The following TYR variants were observed in gnomAD, a reference collection of about 807,000 sequenced individuals.
TYR encodes the protein LB24-AB.
Under a neutral mutation model 51.5 loss-of-function variants are expected in TYR, and 58 were observed. The observed-to-expected ratio is 1.13, with a 90% CI of 0.91 to 1.40. TYR has a LOEUF of 1.40. Among genes scored for constraint, TYR ranks in the 40% most tolerant of loss-of-function variants. The pLI is 0.00. For synonymous variants in TYR, 263 were observed against 235.2 expected, an observed-to-expected ratio of 1.12 and a Z score of -1.08; for missense variants, 732 against 647.4, an observed-to-expected ratio of 1.13 and a Z score of -1.42.
At chr11:89,232,628 G>A (rs1358820254) in intron 3 of TYR, among the ~76,000 whole-genome samples, 1 of 140,992 alleles carries the variant, frequency 7.1e-6, no homozygotes, top group Non-Finnish European at 1.5e-5. Context: ...TCGATGATGG[G>A]TTCAATCATA....
chr11:89,251,570 A>G (rs1387173512), intron 3 of TYR, among the ~76,000 whole-genome samples: 2 of 151,926 alleles, frequency 1.3e-5, no homozygotes, highest in Non-Finnish European at 2.9e-5. Context: ...AGGAAATGGC[A>G]GCTGAAAGTT....
At chr11:89,225,049 C>A (rs186840703) in intron 2 of TYR, among the ~76,000 whole-genome samples, 18 of 151,666 alleles carry the variant, frequency 1.2e-4, no homozygotes, top group Non-Finnish European at 2.2e-4. Context: ...GGGAACAAAG[C>A]TTCTTGGCAG....
intron 2 of TYR, among the ~76,000 whole-genome samples, chr11:89,197,593 A>C (rs539099693): frequency 4.4e-4 from 67 of 152,274 alleles, no homozygotes; most frequent in African/African-American, 1.5e-3. Context: ...ACTTCAAAAG[A>C]TATGATGTTA....
chr11:89,218,356 T>G (rs898736564), intron 2 of TYR, among the ~76,000 whole-genome samples: 2 of 152,188 alleles, frequency 1.3e-5, no homozygotes, highest in Non-Finnish European at 2.9e-5. Flanking sequence ...AATGACATAT[T>G]CTGCCCTCTT....
chr11:89,178,613 A>C lies in TYR; in HGVS notation c.660A>C (p.Gln220His), dbSNP rs1943260369. The C allele has an allele frequency of 6.2e-7, 1 of 1,612,552 alleles. No individual in the cohort carries two copies. Among genetic ancestry groups the C allele is most frequent in the Admixed American group, 1.7e-5 (1 of 59,776 alleles). The change falls in exon 1 of 5, where the codon CAA (glutamine) becomes CAC (histidine). Residue 220 changes from glutamine to histidine, a missense_variant. By Grantham distance (24) the Gln-to-His change is conservative. Coordinates refer to ENST00000263321, the MANE Select transcript of TYR (RefSeq NM_000372.5). ...WHRLFLLRWE[Q>H]EIQKLTGDEN... ...GACTCTTCTTGTTGCGGTGGGAACAAGAAATCCAGAAGCTGACAGGAGATG... is the reference window on the plus strand; with the variant it reads ...GACTCTTCTTGTTGCGGTGGGAACACGAAATCCAGAAGCTGACAGGAGATG...
chr11:89,272,938 G>A (rs1944606924), intron 3 of TYR, among the ~76,000 whole-genome samples: 1 of 151,822 alleles, frequency 6.6e-6, no homozygotes, highest in African/African-American at 2.4e-5. Context: ...AGAGAGCTGG[G>A]GCCTTGCTCT....
At chr11:89,202,620 A>AACACACACACACACACACACAC in intron 2 of TYR, among the ~76,000 whole-genome samples, 1 of 8,776 alleles carries the variant, frequency 1.1e-4, no homozygotes, top group African/African-American at 7.5e-4. Flanking sequence ...ATATTTTCAT[A>AACACACACACACACACACACAC]ATACACACAC....
chr11:89,271,517 A>T (rs1253555592), intron 3 of TYR, among the ~76,000 whole-genome samples: 3 of 151,926 alleles, frequency 2.0e-5, no homozygotes, highest in Non-Finnish European at 4.4e-5. Context: ...ACCTTCAGCA[A>T]GTTGTGATCT....
At position 89,295,223 on chromosome 11, in the gene TYR, A is replaced by G; in HGVS notation, c.1447A>G (p.Met483Val). The change falls in exon 5 of 5, where the codon ATG becomes GTG. Residue 483 changes from methionine to valine, a missense_variant. Transcript: ENST00000263321. Reference protein sequence around the residue: ...RIWSWLLGAAMVGAVLTALLA... With the variant: ...RIWSWLLGAAVVGAVLTALLA... ...CTGGTCATGGCTCCTTGGGGCGGCG[A>G]TGGTAGGGGCCGTCCTCACTGCCCT... The G allele has an allele frequency of 6.2e-7, 1 of 1,613,894 alleles. No homozygotes were observed. Among genetic ancestry groups the G allele is most frequent in the Non-Finnish European group, 8.5e-7 (1 of 1,179,852 alleles).
intron 3 of TYR, among the ~76,000 whole-genome samples, chr11:89,262,313 C>T (rs541192256): frequency 6.6e-6 from 1 of 152,164 alleles, no homozygotes; most frequent in East Asian, 1.9e-4. Context: ...CCAGCCTTGG[C>T]CTCCCAAAGT....
intron 4 of TYR, among the ~76,000 whole-genome samples, chr11:89,287,313 A>G (rs1157826654): frequency 1.3e-5 from 2 of 151,860 alleles, no homozygotes; most frequent in East Asian, 3.9e-4. Context: ...AAAATGCCAC[A>G]CCTCTTAATA....
rs780778251 is a variant in TYR at position 89,177,943 on chromosome 11, C to T, written c.-11C>T. The stretch of plus-strand genomic sequence containing the variant: ...CCAGTTCCTGCAGACCTTGTGAGGA[C>T]TAGAGGAAGAATGCTCCTGGCTGTT... On this transcript the variant is annotated 5_prime_UTR_variant, in exon 1 of 5. Coordinates refer to ENST00000263321, the MANE Select transcript of TYR (RefSeq NM_000372.5). The T allele has an allele frequency of 6.2e-7, 1 of 1,613,646 alleles. No homozygotes were observed. The highest frequency in any genetic ancestry group is 8.5e-7 in the Non-Finnish European group (1 of 1,179,860).
chr11:89,251,407 G>A (rs1014906208), intron 3 of TYR, among the ~76,000 whole-genome samples: 2 of 151,680 alleles, frequency 1.3e-5, no homozygotes, highest in African/African-American at 4.8e-5. Flanking sequence ...TAACATGCAT[G>A]GACAATACAA....
chr11:89,242,303 G>T (rs1269598610), intron 3 of TYR, among the ~76,000 whole-genome samples: 2 of 152,104 alleles, frequency 1.3e-5, no homozygotes, highest in African/African-American at 2.4e-5. Flanking sequence ...CACCTCCCGG[G>T]TTCAAGTGAT....
intron 3 of TYR, among the ~76,000 whole-genome samples, chr11:89,276,279 A>G (rs1944653456): frequency 6.6e-6 from 1 of 151,834 alleles, no homozygotes; most frequent in African/African-American, 2.4e-5. Context: ...ACAATCTAGC[A>G]TCTGTTTTCT....
intron 2 of TYR, among the ~76,000 whole-genome samples, chr11:89,205,955 C>T (rs2135265017): frequency 6.6e-6 from 1 of 151,914 alleles, no homozygotes; most frequent in East Asian, 1.9e-4. Context: ...AGGATGATGC[C>T]AGCAGAGATA....
chr11:89,279,594 C>T (rs2135320535), intron 3 of TYR, among the ~76,000 whole-genome samples: 1 of 151,826 alleles, frequency 6.6e-6, no homozygotes, highest in Admixed American at 6.6e-5. Context: ...TCATATAAAA[C>T]TTTGATTAAA....
At chr11:89,226,159 G>A (rs533120849) in intron 2 of TYR, among the ~76,000 whole-genome samples, 1 of 152,146 alleles carries the variant, frequency 6.6e-6, no homozygotes, top group Admixed American at 6.5e-5. Flanking sequence ...GAAGAACATT[G>A]TCCTCAGTGA....
At position 89,264,365 on chromosome 11, in the gene TYR, T is replaced by C. The variant is rs546022298; in HGVS notation, c.1185-20408T>C. 5.3e-5 allele frequency among the ~76,000 whole-genome samples: 8 copies of C among 152,124 alleles called. No individual in the cohort carries two copies. In the East Asian group the frequency reaches 1.6e-3, roughly 30 times the overall value. Reference sequence around the variant, plus strand: ...CTTATTTATCAAACCTTGGATTAGATGACAGTATTCTTTTTTTTTTACCTT... The same window carrying C: ...CTTATTTATCAAACCTTGGATTAGACGACAGTATTCTTTTTTTTTTACCTT... On this transcript the variant is annotated intron_variant, in intron 3 of 4. Coordinates refer to ENST00000263321, the MANE Select transcript of TYR (RefSeq NM_000372.5).
Sources: allele counts gnomAD v4.1 joint callset (sites outside exome capture counted in the v4.1 genomes callset), GRCh38; gene constraint gnomAD v4.1.1; transcripts MANE v1.5; gene names NCBI Gene and HGNC (gene_info 2026-07-23, HGNC 2026-07-21).